The following UVRAG variants were observed in gnomAD, a reference collection of about 807,000 sequenced individuals.
UVRAG encodes the protein UV radiation resistance-associated gene protein.
UVRAG carries 19 observed loss-of-function variants against 78.0 expected under a neutral mutation model. The ratio of observed to expected loss-of-function variants is 0.24; its 90% CI spans 0.17 to 0.36. The LOEUF is 0.36. Among genes scored for constraint, UVRAG ranks in the 10% least tolerant of loss-of-function variants. UVRAG has a pLI of 1.00. For missense variants in UVRAG, 740 were observed against 853.8 expected (o/e 0.87, Z 1.66); for synonymous variants, 323 against 324.6 (o/e 1.00, Z 0.05).
At chr11:75,923,379 C>T (rs1047717398) in intron 6 of UVRAG, among the ~76,000 whole-genome samples, 4 of 151,994 alleles carry the variant, frequency 2.6e-5, no homozygotes, top group South Asian at 2.1e-4. Flanking sequence ...TATAAATTAC[C>T]GTCTCTCCCA....
At chr11:76,059,763 C>CT (rs1315486735) in intron 12 of UVRAG, among the ~76,000 whole-genome samples, 3 of 152,206 alleles carry the variant, frequency 2.0e-5, no homozygotes, top group African/African-American at 7.2e-5. Context: ...GAATGCCACT[C>CT]TAAGTCCAAG....
intron 13 of UVRAG, among the ~76,000 whole-genome samples, chr11:76,107,250 A>G (rs1951987655): frequency 6.6e-6 from 1 of 152,234 alleles, no homozygotes; most frequent in Non-Finnish European, 1.5e-5. Context: ...TGTGAATACA[A>G]TAAAGCAACA....
At chr11:75,892,734 C>G (rs2134944664) in intron 5 of UVRAG, among the ~76,000 whole-genome samples, 1 of 152,220 alleles carries the variant, frequency 6.6e-6, no homozygotes, top group East Asian at 1.9e-4. Context: ...AAATGAACAC[C>G]TGACATGTAG....
intron 1 of UVRAG, among the ~76,000 whole-genome samples, chr11:75,845,316 T>G (rs1946010552): frequency 6.6e-6 from 1 of 152,240 alleles, no homozygotes; most frequent in Admixed American, 6.5e-5. Context: ...TGTAGTATAA[T>G]GCACAAAGAG....
intron 13 of UVRAG, among the ~76,000 whole-genome samples, chr11:76,105,172 A>G (rs1232677596): frequency 6.6e-6 from 1 of 152,194 alleles, no homozygotes; most frequent in East Asian, 1.9e-4. Flanking sequence ...GCCAGTAGAG[A>G]TACAGATGGC....
chr11:75,945,354 T>C (rs1391438041), intron 6 of UVRAG, among the ~76,000 whole-genome samples: 2 of 152,018 alleles, frequency 1.3e-5, no homozygotes, highest in East Asian at 1.9e-4. Context: ...TACCAAGTTA[T>C]AGGCCTAGGT....
intron 1 of UVRAG, among the ~76,000 whole-genome samples, chr11:75,828,055 G>A (rs1326391679): frequency 6.6e-6 from 1 of 152,118 alleles, no homozygotes; most frequent in African/African-American, 2.4e-5. Flanking sequence ...AGATTATGAA[G>A]CAAGGTTGGC....
At chr11:75,845,310 G>C (rs56216135) in intron 1 of UVRAG, among the ~76,000 whole-genome samples, 11,478 of 152,266 alleles carry the variant, frequency 0.075, 1,419 homozygotes, top group African/African-American at 0.26. Context: ...TACCACTGTA[G>C]TATAATGCAC....
intron 5 of UVRAG, among the ~76,000 whole-genome samples, chr11:75,895,179 A>T (rs1261305628): frequency 1.3e-5 from 2 of 152,170 alleles, no homozygotes; most frequent in Non-Finnish European, 2.9e-5. Flanking sequence ...ATTTTTGTTG[A>T]CCAGTTCTTT....
chr11:76,002,225 C>G (rs1949828792), intron 8 of UVRAG, among the ~76,000 whole-genome samples: 1 of 152,174 alleles, frequency 6.6e-6, no homozygotes, highest in Non-Finnish European at 1.5e-5. Flanking sequence ...TCTTCTCTAT[C>G]TGAGCCTAAA....
chr11:75,940,632 TA>T (rs912122755), intron 6 of UVRAG, among the ~76,000 whole-genome samples: 5 of 152,184 alleles, frequency 3.3e-5, no homozygotes, highest in African/African-American at 1.2e-4. Context: ...CTGGAATAAA[TA>T]TGTAGGTTGT....
At chr11:76,113,695 G>A (rs903303551) in intron 13 of UVRAG, among the ~76,000 whole-genome samples, 3 of 152,098 alleles carry the variant, frequency 2.0e-5, no homozygotes, top group African/African-American at 7.2e-5. Context: ...TTATTAAGCG[G>A]TTCTAGCCTT....
chr11:76,138,346 G>A (rs1038716404), intron 14 of UVRAG, among the ~76,000 whole-genome samples: 36 of 152,162 alleles, frequency 2.4e-4, no homozygotes, highest in South Asian at 2.1e-4. Flanking sequence ...CAGGACACTC[G>A]AGGGCTCTGT....
chr11:76,127,030 C>A (rs1027143348), intron 14 of UVRAG, among the ~76,000 whole-genome samples: 2 of 152,206 alleles, frequency 1.3e-5, no homozygotes, highest in African/African-American at 4.8e-5. Flanking sequence ...ACTTGATTCC[C>A]TTCTTCACTG....
chr11:75,840,921 G>GT (rs887013203), intron 1 of UVRAG, among the ~76,000 whole-genome samples: 4 of 151,954 alleles, frequency 2.6e-5, no homozygotes, highest in African/African-American at 9.7e-5. Flanking sequence ...TCTGTTTTTT[G>GT]TTTTTTTGTT....
intron 3 of UVRAG, among the ~76,000 whole-genome samples, chr11:75,877,724 C>A (rs1215490552): frequency 7.1e-6 from 1 of 141,816 alleles, no homozygotes; most frequent in African/African-American, 2.7e-5. Context: ...GGGCGGCTGG[C>A]CGGGCGGGGG....
chr11:76,076,683 T>G (rs1292651007), intron 13 of UVRAG, among the ~76,000 whole-genome samples: 4 of 152,178 alleles, frequency 2.6e-5, no homozygotes, highest in Non-Finnish European at 5.9e-5. Context: ...TTGACTTGAA[T>G]TTTTTCTAAT....
intron 13 of UVRAG, among the ~76,000 whole-genome samples, chr11:76,102,220 A>C (rs1453455323): frequency 6.6e-6 from 1 of 152,216 alleles, no homozygotes; most frequent in Non-Finnish European, 1.5e-5. Flanking sequence ...TGAGCATGGA[A>C]TATTTCTCCA....
At chr11:75,858,249 A>ATAAC (rs1328403523) in intron 2 of UVRAG, among the ~76,000 whole-genome samples, 2 of 152,094 alleles carry the variant, frequency 1.3e-5, no homozygotes, top group Non-Finnish European at 2.9e-5. Flanking sequence ...CCCCACCCTG[A>ATAAC]TAACCACTGT....
Sources: gnomAD v4.1 joint callset for allele counts (sites outside exome capture counted in the v4.1 genomes callset) on GRCh38, gnomAD v4.1.1 for gene constraint, MANE v1.5 for transcripts, NCBI Gene and HGNC (gene_info 2026-07-23, HGNC 2026-07-21) for gene names.